The following MACROD2 variants were observed in gnomAD, a reference collection of about 807,000 sequenced individuals.
MACROD2 encodes the protein ADP-ribose glycohydrolase MACROD2.
Under a neutral mutation model 70.4 loss-of-function variants are expected in MACROD2, and 36 were observed. The observed-to-expected ratio is 0.51, with a 90% CI of 0.39 to 0.68. The LOEUF (loss-of-function observed/expected upper bound fraction) is 0.68. Ranked by LOEUF, MACROD2 falls within the 30% of genes least tolerant of loss-of-function variation. MACROD2 has a pLI of 0.00. For missense variants in MACROD2, 496 were observed against 538.4 expected (o/e 0.92, Z 0.78); for synonymous variants, 172 against 178.8 (o/e 0.96, Z 0.30).
At chr20:15,558,763 T>G (rs2048202225) in intron 8 of MACROD2, among the ~76,000 whole-genome samples, 1 of 152,212 alleles carries the variant, frequency 6.6e-6, no homozygotes, top group South Asian at 2.1e-4. Flanking sequence ...GAATTCTAAC[T>G]CTGTGTCTGA....
intron 5 of MACROD2, among the ~76,000 whole-genome samples, chr20:15,048,671 T>A (rs146486189): frequency 6.6e-6 from 1 of 152,250 alleles, no homozygotes; most frequent in South Asian, 2.1e-4. Flanking sequence ...AAAATATTAT[T>A]TTTAAGTGGT....
intron 10 of MACROD2, among the ~76,000 whole-genome samples, chr20:15,901,067 A>T (rs964399733): frequency 2.6e-5 from 4 of 152,154 alleles, no homozygotes; most frequent in African/African-American, 4.8e-5. Flanking sequence ...AATGTGAACA[A>T]AATACTTTTG....
intron 8 of MACROD2, among the ~76,000 whole-genome samples, chr20:15,709,507 A>G (rs979028937): frequency 2.6e-5 from 4 of 152,022 alleles, no homozygotes; most frequent in African/African-American, 9.7e-5. Context: ...CAAAAAATAA[A>G]AATAAATAAA....
At chr20:15,580,829 A>T (rs1438745781) in intron 8 of MACROD2, among the ~76,000 whole-genome samples, 1 of 152,118 alleles carries the variant, frequency 6.6e-6, no homozygotes, top group African/African-American at 2.4e-5. Flanking sequence ...AGAATTTTAG[A>T]TGATTTGGGG....
At chr20:14,426,346 T>C (rs2083932664) in intron 3 of MACROD2, among the ~76,000 whole-genome samples, 1 of 152,084 alleles carries the variant, frequency 6.6e-6, no homozygotes. Flanking sequence ...TTTTTCCTTT[T>C]AGTAAAAGTA....
At chr20:15,433,392 C>T (rs905717681) in intron 7 of MACROD2, among the ~76,000 whole-genome samples, 1 of 140,264 alleles carries the variant, frequency 7.1e-6, no homozygotes, top group Non-Finnish European at 1.5e-5. Context: ...ATCAGTAGCA[C>T]TGCTATAAAC....
chr20:15,347,096 T>C (rs890735963), intron 6 of MACROD2, among the ~76,000 whole-genome samples: 1 of 152,204 alleles, frequency 6.6e-6, no homozygotes, highest in Non-Finnish European at 1.5e-5. Context: ...TACTGAGTCA[T>C]TGTAAAGTCT....
chr20:14,004,087 G>A (rs1683290040), intron 2 of MACROD2, among the ~76,000 whole-genome samples: 1 of 152,142 alleles, frequency 6.6e-6, no homozygotes, highest in South Asian at 2.1e-4. Context: ...ATACTTGCTG[G>A]TTCAGCATTC....
chr20:14,597,094 T>C (rs1355841627), intron 4 of MACROD2, among the ~76,000 whole-genome samples: 1 of 152,176 alleles, frequency 6.6e-6, no homozygotes, highest in Non-Finnish European at 1.5e-5. Flanking sequence ...TTATTGTAGA[T>C]AAAAGATATA....
chr20:14,541,398 G>C (rs1443207294), intron 4 of MACROD2, among the ~76,000 whole-genome samples: 1 of 152,058 alleles, frequency 6.6e-6, no homozygotes, highest in East Asian at 1.9e-4. Flanking sequence ...TGTCGGGGAA[G>C]TCTTCTCCGA....
intron 4 of MACROD2, among the ~76,000 whole-genome samples, chr20:14,642,425 A>G (rs574511582): frequency 4.0e-4 from 61 of 152,220 alleles, no homozygotes; most frequent in African/African-American, 1.4e-3. Flanking sequence ...TTTCCTTCGC[A>G]TTCACATCAT....
intron 8 of MACROD2, among the ~76,000 whole-genome samples, chr20:15,524,044 C>T (rs1464742982): frequency 6.6e-6 from 1 of 152,140 alleles, no homozygotes; most frequent in African/African-American, 2.4e-5. Context: ...TCACACTCAT[C>T]CTGATGCAGT....
At chr20:14,837,393 C>A (rs949099539) in intron 5 of MACROD2, among the ~76,000 whole-genome samples, 27 of 152,022 alleles carry the variant, frequency 1.8e-4, no homozygotes, top group African/African-American at 6.5e-4. Flanking sequence ...AGGATAATCA[C>A]ATCTGAATGC....
At chr20:15,709,057 G>T (rs2050583524) in intron 8 of MACROD2, among the ~76,000 whole-genome samples, 1 of 152,248 alleles carries the variant, frequency 6.6e-6, no homozygotes. Context: ...AATAATGCCA[G>T]GAGTTTTTCT....
At chr20:14,001,041 G>T (rs2052727503) in intron 1 of MACROD2, among the ~76,000 whole-genome samples, 1 of 152,170 alleles carries the variant, frequency 6.6e-6, no homozygotes, top group African/African-American at 2.4e-5. Flanking sequence ...CCTTTGTGAA[G>T]CAGCATACAT....
intron 6 of MACROD2, among the ~76,000 whole-genome samples, chr20:15,364,267 T>A (rs980382412): frequency 6.6e-6 from 1 of 152,234 alleles, no homozygotes; most frequent in African/African-American, 2.4e-5. Context: ...AGTTAAGCAC[T>A]GGATGCCCTG....
chr20:14,081,522 A>T (rs1416196945), intron 2 of MACROD2, among the ~76,000 whole-genome samples: 1 of 152,220 alleles, frequency 6.6e-6, no homozygotes, highest in African/African-American at 2.4e-5. Flanking sequence ...AAAACCAGTG[A>T]TGTACAAGCT....
intron 6 of MACROD2, among the ~76,000 whole-genome samples, chr20:15,407,783 A>G (rs139743021): frequency 1.2e-3 from 178 of 152,360 alleles, no homozygotes; most frequent in East Asian, 5.8e-3. Context: ...CTATCACATA[A>G]TAAGTGCTCA....
At chr20:15,490,697 A>G (rs1389873095) in intron 7 of MACROD2, among the ~76,000 whole-genome samples, 1 of 152,210 alleles carries the variant, frequency 6.6e-6, no homozygotes, top group African/African-American at 2.4e-5. Context: ...CCAGGGAGCC[A>G]TCACGAGTGG....
Sources: allele counts gnomAD v4.1 joint callset (sites outside exome capture counted in the v4.1 genomes callset), GRCh38; gene constraint gnomAD v4.1.1; transcripts MANE v1.5; gene names NCBI Gene and HGNC (gene_info 2026-07-23, HGNC 2026-07-21).